ATP8A1: variants seen among roughly 807,000 people sequenced by gnomAD.
The protein encoded by ATP8A1 is ATPase phospholipid transporting 8A1.
Under a neutral mutation model 177.7 loss-of-function variants are expected in ATP8A1, and 90 were observed. The ratio of observed to expected loss-of-function variants is 0.51; its 90% CI spans 0.43 to 0.60. The LOEUF is 0.60. Among genes scored for constraint, ATP8A1 ranks in the 20% least tolerant of loss-of-function variants. The pLI, the probability that ATP8A1 is intolerant of heterozygous loss-of-function variation, is 0.00. For synonymous variants in ATP8A1, 493 were observed against 485.9 expected, an observed-to-expected ratio of 1.01 and a Z score of -0.19; for missense variants, 1,072 against 1,392.8, an observed-to-expected ratio of 0.77 and a Z score of 3.67.
At chr4:42,468,198 A>G (rs1232659319) in intron 25 of ATP8A1, among the ~76,000 whole-genome samples, 3 of 152,204 alleles carry the variant, frequency 2.0e-5, no homozygotes, top group African/African-American at 7.2e-5. Context: ...AAGTAGAACT[A>G]CCATTTGATC....
chr4:42,465,773 C>T (rs1178778995), intron 25 of ATP8A1, among the ~76,000 whole-genome samples: 1 of 152,212 alleles, frequency 6.6e-6, no homozygotes, highest in Non-Finnish European at 1.5e-5. Flanking sequence ...TGGCTCATGC[C>T]TGTAATCCCA....
intron 4 of ATP8A1, among the ~76,000 whole-genome samples, chr4:42,620,370 T>C (rs1000099095): frequency 6.6e-6 from 1 of 152,246 alleles, no homozygotes; most frequent in Non-Finnish European, 1.5e-5. Flanking sequence ...AATACTATTA[T>C]TACATTCTTT....
intron 17 of ATP8A1, among the ~76,000 whole-genome samples, chr4:42,551,546 G>A (rs1729504426): frequency 6.6e-6 from 1 of 152,136 alleles, no homozygotes; most frequent in Non-Finnish European, 1.5e-5. Flanking sequence ...TTCCTAAGAA[G>A]CTTAATTTAA....
chr4:42,649,731 T>C (rs937764539), intron 1 of ATP8A1, among the ~76,000 whole-genome samples: 3 of 152,172 alleles, frequency 2.0e-5, no homozygotes, highest in Non-Finnish European at 4.4e-5. Context: ...AAAACGCTCC[T>C]TTGGGGTGCT....
chr4:42,525,438 C>T (rs1464177609), intron 20 of ATP8A1, among the ~76,000 whole-genome samples: 3 of 152,078 alleles, frequency 2.0e-5, no homozygotes, highest in Non-Finnish European at 4.4e-5. Flanking sequence ...ACTGAGAGGG[C>T]CAGTGGGTAT....
At chr4:42,603,986 G>A (rs966324679) in intron 5 of ATP8A1, among the ~76,000 whole-genome samples, 16 of 152,126 alleles carry the variant, frequency 1.1e-4, no homozygotes, top group African/African-American at 3.6e-4. Flanking sequence ...CATCTACAAG[G>A]CCTTTTATGA....
intron 21 of ATP8A1, among the ~76,000 whole-genome samples, chr4:42,523,909 A>G (rs1043050836): frequency 6.6e-6 from 1 of 152,172 alleles, no homozygotes; most frequent in Non-Finnish European, 1.5e-5. Flanking sequence ...AGTGTTTTAA[A>G]AAACATTCCT....
chr4:42,484,449 A>G (rs1302572362), intron 25 of ATP8A1, among the ~76,000 whole-genome samples: 1 of 152,310 alleles, frequency 6.6e-6, no homozygotes, highest in Non-Finnish European at 1.5e-5. Context: ...TGATGCTTAT[A>G]AAGGATATTG....
intron 5 of ATP8A1, among the ~76,000 whole-genome samples, chr4:42,613,256 T>A (rs981643541): frequency 1.3e-5 from 2 of 152,166 alleles, no homozygotes; most frequent in Admixed American, 6.5e-5. Context: ...TATACTATTC[T>A]CTTAGGAAAC....
intron 25 of ATP8A1, among the ~76,000 whole-genome samples, chr4:42,484,746 A>C (rs1239210155): frequency 6.6e-6 from 1 of 152,228 alleles, no homozygotes; most frequent in Non-Finnish European, 1.5e-5. Context: ...AGGCAATTTG[A>C]GAAATTGCTA....
intron 25 of ATP8A1, chr4:42,472,388 T>G: frequency 3.1e-6 from 1 of 318,626 alleles, no homozygotes; most frequent in Non-Finnish European, 6.1e-6. Flanking sequence ...TAAACAAAAA[T>G]GGCTAGTAAA....
At chr4:42,511,413 C>T (rs563654297) in intron 22 of ATP8A1, among the ~76,000 whole-genome samples, 20 of 152,166 alleles carry the variant, frequency 1.3e-4, no homozygotes, top group African/African-American at 4.8e-4. Flanking sequence ...ATAAAATTCC[C>T]ATGGCATTTA....
At chr4:42,503,146 T>G (rs958415537) in intron 24 of ATP8A1, among the ~76,000 whole-genome samples, 3 of 152,206 alleles carry the variant, frequency 2.0e-5, no homozygotes, top group African/African-American at 7.2e-5. Flanking sequence ...ACAGAATACT[T>G]GGATATGAGC....
chr4:42,633,210 T>C (rs576151445), intron 1 of ATP8A1, among the ~76,000 whole-genome samples: 1 of 152,286 alleles, frequency 6.6e-6, no homozygotes, highest in African/African-American at 2.4e-5. Flanking sequence ...GACTACTGGG[T>C]TGCTGAGAAT....
chr4:42,594,182 G>T (rs1054710434), intron 6 of ATP8A1: 2 of 619,654 alleles, frequency 3.2e-6, no homozygotes, highest in Admixed American at 5.2e-5. Context: ...TATTAGAGAG[G>T]TTTTAAATTC....
chr4:42,500,130 C>T (rs549143587), intron 24 of ATP8A1, among the ~76,000 whole-genome samples: 2 of 152,218 alleles, frequency 1.3e-5, no homozygotes, highest in South Asian at 2.1e-4. Flanking sequence ...TTTGGGAGGC[C>T]GAGCTGGGTG....
chr4:42,656,936 G>A lies in ATP8A1; in HGVS notation c.-63C>T. 4 of 1,431,696 alleles carry A rather than the reference G, an allele frequency of 2.8e-6. No homozygotes were observed. Among genetic ancestry groups the A allele is most frequent in the Non-Finnish European group, 3.7e-6 (4 of 1,073,794 alleles). 88.7% of individuals were successfully genotyped at this position (1,431,696 alleles called of 1,614,324 possible). A position where few individuals can be genotyped will look rare whatever the true frequency, so the allele number is the denominator to read the frequency against. On this transcript the variant is annotated 5_prime_UTR_variant, in exon 1 of 37. Transcript: ENST00000381668. ...CTGCACCTGTCACGGCGTGGTACAC[G>A]CGGGAGACCCGGCTGCGCCGCGCAG...
At chr4:42,580,261 C>T (rs1489817316) in intron 10 of ATP8A1, among the ~76,000 whole-genome samples, 1 of 152,098 alleles carries the variant, frequency 6.6e-6, no homozygotes, top group Non-Finnish European at 1.5e-5. Flanking sequence ...TGCATTGTGG[C>T]AGGTAAGATG....
intron 1 of ATP8A1, among the ~76,000 whole-genome samples, chr4:42,635,808 T>TATATAC: frequency 8.8e-6 from 1 of 113,964 alleles, no homozygotes; most frequent in South Asian, 2.8e-4. Flanking sequence ...TATATATATA[T>TATATAC]ATACACATGT....
Sources: allele counts gnomAD v4.1 joint callset (sites outside exome capture counted in the v4.1 genomes callset), GRCh38; gene constraint gnomAD v4.1.1; transcripts MANE v1.5; gene names NCBI Gene and HGNC (gene_info 2026-07-23, HGNC 2026-07-21).